The following TMTC2 variants were observed in gnomAD, a reference collection of about 807,000 sequenced individuals.
TMTC2 encodes transmembrane O-mannosyltransferase targeting cadherins 2.
Under a neutral mutation model 82.4 loss-of-function variants are expected in TMTC2, and 43 were observed. That is an observed-to-expected ratio of 0.52 (90% CI 0.41 to 0.67). TMTC2 has a LOEUF of 0.67. Among genes scored for constraint, TMTC2 ranks in the 30% least tolerant of loss-of-function variants. The pLI is 0.00. For synonymous variants in TMTC2, 408 were observed against 381.9 expected, an observed-to-expected ratio of 1.07 and a Z score of -0.80; for missense variants, 919 against 1,012.4, an observed-to-expected ratio of 0.91 and a Z score of 1.25.
intron 1 of TMTC2, among the ~76,000 whole-genome samples, chr12:82,765,674 C>T (rs1409167717): frequency 1.4e-5 from 2 of 147,066 alleles, no homozygotes; most frequent in Admixed American, 1.4e-4. Context: ...AACTCCATCT[C>T]GAAAAAACAA....
intron 11 of TMTC2, among the ~76,000 whole-genome samples, chr12:83,070,721 G>C (rs995485814): frequency 1.3e-5 from 2 of 152,108 alleles, no homozygotes; most frequent in African/African-American, 4.8e-5. Flanking sequence ...AGGACTTCCA[G>C]TACTGTGTTG....
chr12:83,004,668 T>G (rs994268496), intron 8 of TMTC2, among the ~76,000 whole-genome samples: 2 of 151,164 alleles, frequency 1.3e-5, no homozygotes, highest in African/African-American at 4.9e-5. Flanking sequence ...CACGGGATCT[T>G]TATTTGTGGA....
intron 7 of TMTC2, among the ~76,000 whole-genome samples, chr12:82,983,116 T>A (rs1878998793): frequency 6.6e-6 from 1 of 151,842 alleles, no homozygotes; most frequent in African/African-American, 2.4e-5. Flanking sequence ...ATGTGTGGAG[T>A]AAGAGGAGTG....
At chr12:82,744,581 T>A (rs867100900) in intron 1 of TMTC2, among the ~76,000 whole-genome samples, 27 of 115,494 alleles carry the variant, frequency 2.3e-4, no homozygotes, top group African/African-American at 7.4e-4. Context: ...ACTCTGACTC[T>A]AAAAAAAAAA....
At chr12:83,021,247 G>A (rs371486185) in intron 8 of TMTC2, among the ~76,000 whole-genome samples, 9 of 151,904 alleles carry the variant, frequency 5.9e-5, no homozygotes, top group African/African-American at 2.2e-4. Context: ...CCAATTCTCG[G>A]CCTATGGCAC....
chr12:82,712,543 G>A (rs1873682534), intron 1 of TMTC2, among the ~76,000 whole-genome samples: 1 of 151,950 alleles, frequency 6.6e-6, no homozygotes, highest in African/African-American at 2.4e-5. Context: ...AAATCATGCT[G>A]CGTGGGCCAG....
At chr12:82,726,892 A>G (rs969376962) in intron 1 of TMTC2, among the ~76,000 whole-genome samples, 3 of 151,524 alleles carry the variant, frequency 2.0e-5, no homozygotes, top group Non-Finnish European at 4.4e-5. Flanking sequence ...AAAAAAAAAA[A>G]AAAAAAAAGG....
chr12:83,115,809 G>A (rs1178096350), intron 11 of TMTC2, among the ~76,000 whole-genome samples: 3 of 150,506 alleles, frequency 2.0e-5, no homozygotes, highest in Admixed American at 6.6e-5. Context: ...GTTGTTGTTT[G>A]AGACAAGTCT....
chr12:82,939,746 A>C (rs1480159032), intron 4 of TMTC2, among the ~76,000 whole-genome samples: 2 of 152,092 alleles, frequency 1.3e-5, no homozygotes, highest in African/African-American at 4.8e-5. Context: ...GTCAAGATCA[A>C]GTTGTTTCAC....
intron 2 of TMTC2, among the ~76,000 whole-genome samples, chr12:82,880,462 G>A (rs2063239): frequency 0.43 from 64,672 of 152,020 alleles, 13,817 homozygotes; most frequent in Middle Eastern, 0.52. Flanking sequence ...GCCTAGCAGG[G>A]CACCATACAA....
chr12:82,790,554 C>T (rs1043574592), intron 1 of TMTC2, among the ~76,000 whole-genome samples: 2 of 151,902 alleles, frequency 1.3e-5, no homozygotes, highest in Admixed American at 6.6e-5. Flanking sequence ...TGTGGCCGGG[C>T]GCGGTGGCTT....
At chr12:83,067,643 T>G (rs1180290712) in intron 11 of TMTC2, among the ~76,000 whole-genome samples, 2 of 151,972 alleles carry the variant, frequency 1.3e-5, no homozygotes, top group Non-Finnish European at 2.9e-5. Context: ...GGATAGAATT[T>G]TATGTTAAAG....
intron 9 of TMTC2, among the ~76,000 whole-genome samples, chr12:83,039,786 T>C (rs1881819606): frequency 6.6e-6 from 1 of 152,242 alleles, no homozygotes; most frequent in African/African-American, 2.4e-5. Flanking sequence ...TCTATGGTGA[T>C]GTCATTTCTC....
intron 1 of TMTC2, among the ~76,000 whole-genome samples, chr12:82,731,957 G>A (rs78688279): frequency 0.087 from 13,240 of 152,172 alleles, 795 homozygotes; most frequent in East Asian, 0.24. Flanking sequence ...CTTGCTTGTT[G>A]TCTCTTTCCC....
At chr12:82,725,267 A>C (rs1874395459) in intron 1 of TMTC2, among the ~76,000 whole-genome samples, 1 of 152,156 alleles carries the variant, frequency 6.6e-6, no homozygotes, top group African/African-American at 2.4e-5. Context: ...TGTATAACCA[A>C]AGTAAGTTTT....
intron 8 of TMTC2, among the ~76,000 whole-genome samples, chr12:82,999,754 C>G (rs889966848): frequency 7.9e-5 from 12 of 152,300 alleles, no homozygotes; most frequent in African/African-American, 2.9e-4. Context: ...TTATCTCTCA[C>G]CAGGTCCCTT....
intron 2 of TMTC2, among the ~76,000 whole-genome samples, chr12:82,869,336 T>C (rs1223680165): frequency 6.6e-6 from 1 of 152,160 alleles, no homozygotes; most frequent in Non-Finnish European, 1.5e-5. Context: ...GGAGAATTTC[T>C]GGAGGTGGCA....
At chr12:82,864,065 T>C (rs1336157892) in intron 2 of TMTC2, among the ~76,000 whole-genome samples, 2 of 151,428 alleles carry the variant, frequency 1.3e-5, no homozygotes, top group Non-Finnish European at 2.9e-5. Context: ...TGAGGAAGAG[T>C]AAAGGGTACA....
chr12:82,884,284 T>C (rs1285104114), intron 2 of TMTC2, among the ~76,000 whole-genome samples: 1 of 152,216 alleles, frequency 6.6e-6, no homozygotes, highest in African/African-American at 2.4e-5. Context: ...AGGCATCCTT[T>C]CTTGATACTT....
Sources: allele counts gnomAD v4.1 joint callset (sites outside exome capture counted in the v4.1 genomes callset), GRCh38; gene constraint gnomAD v4.1.1; transcripts MANE v1.5; gene names NCBI Gene and HGNC (gene_info 2026-07-23, HGNC 2026-07-21).